Variants in FER observed in about 807,000 individuals in gnomAD.
The protein encoded by FER is tyrosine-protein kinase Fer.
FER carries 63 observed loss-of-function variants against 111.0 expected under a neutral mutation model. The observed-to-expected ratio is 0.57, with a 90% CI of 0.46 to 0.70. FER has a LOEUF of 0.70. Ranked by LOEUF, FER falls within the 30% of genes least tolerant of loss-of-function variation. FER has a pLI of 0.00. For missense variants in FER, 914 were observed against 954.0 expected (o/e 0.96, Z 0.55); for synonymous variants, 327 against 313.9 (o/e 1.04, Z -0.44).
At chr5:108,993,288 G>C (rs1055055764) in intron 13 of FER, among the ~76,000 whole-genome samples, 1 of 152,360 alleles carries the variant, frequency 6.6e-6, no homozygotes, top group East Asian at 1.9e-4. Context: ...TGCAATCCCG[G>C]CACCTCGGGA....
intron 1 of FER, among the ~76,000 whole-genome samples, chr5:108,753,673 T>G (rs12188386): frequency 0.13 from 19,679 of 152,258 alleles, 1,593 homozygotes; most frequent in Non-Finnish European, 0.19. Flanking sequence ...ATTAGTTGTG[T>G]CTTTTCCACC....
At chr5:108,915,815 G>A (rs1358441571) in intron 10 of FER, among the ~76,000 whole-genome samples, 2 of 152,032 alleles carry the variant, frequency 1.3e-5, no homozygotes, top group African/African-American at 4.8e-5. Flanking sequence ...AAGAACAGAA[G>A]AGAAAGAAAA....
At chr5:109,096,536 C>T (rs1022988164) in intron 16 of FER, among the ~76,000 whole-genome samples, 1 of 151,942 alleles carries the variant, frequency 6.6e-6, no homozygotes, top group Non-Finnish European at 1.5e-5. Flanking sequence ...CATCCTAAGG[C>T]TGCCAATCTT....
chr5:108,892,680 C>T lies in FER; in HGVS notation c.1047-4979C>T, dbSNP rs1353691076. 7.9e-5 allele frequency among the ~76,000 whole-genome samples: 12 copies of T among 152,234 alleles called. 1 individual carries two copies. The South Asian group carries it at 8.3e-4, about 11-fold the overall frequency. Reference sequence around the variant, plus strand: ...GAAGCTCTTTAGTTTAATTAGATCCCGTTTGTCAATTTTGGCTTTTGTTGC... The same window carrying T: ...GAAGCTCTTTAGTTTAATTAGATCCTGTTTGTCAATTTTGGCTTTTGTTGC... On this transcript the variant is annotated intron_variant, in intron 9 of 19. Transcript: ENST00000281092.
intron 16 of FER, among the ~76,000 whole-genome samples, chr5:109,077,366 T>C (rs1454050624): frequency 6.6e-6 from 1 of 152,184 alleles, no homozygotes; most frequent in African/African-American, 2.4e-5. Flanking sequence ...GTCTGGACAA[T>C]TAACCAAAAA....
intron 16 of FER, among the ~76,000 whole-genome samples, chr5:109,099,328 G>C (rs1747922826): frequency 6.6e-6 from 1 of 151,362 alleles, no homozygotes; most frequent in Non-Finnish European, 1.5e-5. Flanking sequence ...TGTGGCTAGT[G>C]CTTCTAAAAA....
intron 3 of FER, among the ~76,000 whole-genome samples, chr5:108,812,479 A>G (rs570920438): frequency 8.5e-5 from 13 of 152,290 alleles, no homozygotes; most frequent in East Asian, 5.8e-4. Context: ...TGTAAGTAAC[A>G]TATAGTTGAG....
At chr5:108,914,387 T>C (rs990016760) in intron 10 of FER, among the ~76,000 whole-genome samples, 1 of 152,162 alleles carries the variant, frequency 6.6e-6, no homozygotes, top group African/African-American at 2.4e-5. Flanking sequence ...CTAACCATTA[T>C]TATTACGTTT....
At chr5:109,022,772 T>A (rs1217309475) in intron 13 of FER, among the ~76,000 whole-genome samples, 2 of 152,084 alleles carry the variant, frequency 1.3e-5, no homozygotes, top group Non-Finnish European at 2.9e-5. Context: ...CTAGGGTAAC[T>A]ATGTCATACA....
intron 16 of FER, among the ~76,000 whole-genome samples, chr5:109,099,950 T>A (rs1455944491): frequency 1.3e-5 from 2 of 151,744 alleles, no homozygotes; most frequent in Non-Finnish European, 3.0e-5. Context: ...AATCACTGAA[T>A]CTAATAGCTA....
chr5:108,958,793 A>G (rs1289519190), intron 12 of FER, among the ~76,000 whole-genome samples: 1 of 151,846 alleles, frequency 6.6e-6, no homozygotes, highest in Non-Finnish European at 1.5e-5. Flanking sequence ...ATCTTTCCTT[A>G]TATTTTTGAC....
intron 17 of FER, among the ~76,000 whole-genome samples, chr5:109,118,048 G>T (rs1750477700): frequency 1.3e-5 from 2 of 152,086 alleles, no homozygotes; most frequent in South Asian, 4.2e-4. Flanking sequence ...ACACTATGTT[G>T]AATAGGAGTG....
chr5:109,008,073 C>T (rs1369904816), intron 13 of FER, among the ~76,000 whole-genome samples: 1 of 152,060 alleles, frequency 6.6e-6, no homozygotes, highest in Non-Finnish European at 1.5e-5. Flanking sequence ...ATCTGTATGT[C>T]TTCTTTGTGG....
At chr5:109,083,619 A>G (rs1274528220) in intron 16 of FER, among the ~76,000 whole-genome samples, 1 of 152,074 alleles carries the variant, frequency 6.6e-6, no homozygotes, top group African/African-American at 2.4e-5. Flanking sequence ...GTGAAGAGAT[A>G]CTTTTCCACA....
In FER at chr5:109,089,696, C is replaced by A. The variant is rs147072461; in HGVS notation, c.1925-10700C>A. Reference sequence around the variant, plus strand: ...GAAATGAGTGAAAAAAGCAGTTTGACTTTACTAAGCCAGCATAGCTTAGTG... The same window carrying A: ...GAAATGAGTGAAAAAAGCAGTTTGAATTTACTAAGCCAGCATAGCTTAGTG... On this transcript the variant is annotated intron_variant, in intron 16 of 19. Transcript: ENST00000281092. 3.1e-3 allele frequency among the ~76,000 whole-genome samples: 470 copies of A among 152,300 alleles called. 2 individuals carry two copies. The highest frequency in any genetic ancestry group is 0.011 in the African/African-American group (450 of 41,574).
At chr5:108,876,039 A>T (rs1765060786) in intron 8 of FER, among the ~76,000 whole-genome samples, 1 of 152,218 alleles carries the variant, frequency 6.6e-6, no homozygotes. Flanking sequence ...CTTTTAGAAT[A>T]TAAATAGGAT....
intron 16 of FER, among the ~76,000 whole-genome samples, chr5:109,065,471 GT>G (rs1445481128): frequency 6.6e-6 from 1 of 152,102 alleles, no homozygotes; most frequent in African/African-American, 2.4e-5. Flanking sequence ...TTAATTGTAA[GT>G]TAGCCTCTGT....
Position 108,974,915 on chromosome 5 carries a change from C to A in FER, c.1656+15568C>A, listed in dbSNP as rs1428947117. On this transcript the variant is annotated intron_variant, in intron 13 of 19. Transcript: ENST00000281092. Reference sequence around the variant, plus strand: ...AGACTCATTCTGGACTTTTGACCTCCAGAACTGTAAAATAATAAATTTGTG... The same window carrying A: ...AGACTCATTCTGGACTTTTGACCTCAAGAACTGTAAAATAATAAATTTGTG... 2.6e-5 allele frequency among the ~76,000 whole-genome samples: 4 copies of A among 152,050 alleles called. No homozygotes were observed. The East Asian group carries it at 7.7e-4, about 29-fold the overall frequency.
intron 16 of FER, among the ~76,000 whole-genome samples, chr5:109,097,822 A>G (rs1747727420): frequency 6.6e-6 from 1 of 151,730 alleles, no homozygotes; most frequent in South Asian, 2.1e-4. Context: ...GTACTTGCGG[A>G]AGGCTTGGGC....
Sources: gnomAD v4.1 joint callset for allele counts (sites outside exome capture counted in the v4.1 genomes callset) on GRCh38, gnomAD v4.1.1 for gene constraint, MANE v1.5 for transcripts, NCBI Gene and HGNC (gene_info 2026-07-23, HGNC 2026-07-21) for gene names.